PRKCZ: variants seen among roughly 807,000 people sequenced by gnomAD.
PRKCZ encodes protein kinase C zeta.
A neutral mutation model predicts 79.5 loss-of-function variants in PRKCZ; 33 were observed. The observed-to-expected ratio is 0.41, with a 90% CI of 0.31 to 0.55. The LOEUF (loss-of-function observed/expected upper bound fraction) is 0.55. Ranked by LOEUF, PRKCZ falls within the 20% of genes least tolerant of loss-of-function variation. PRKCZ has a pLI of 0.19. For missense variants in PRKCZ, 578 were observed against 813.5 expected (o/e 0.71, Z 3.52); for synonymous variants, 342 against 320.9 (o/e 1.07, Z -0.70).
chr1:2,184,315 C>T (rs915716831), intron 16 of PRKCZ: 17 of 394,252 alleles, frequency 4.3e-5, no homozygotes, highest in Non-Finnish European at 7.0e-5. Context: ...GGGGTGGCCT[C>T]GCATGGGTGG....
chr1:2,155,779 G>T (rs1253337179), intron 9 of PRKCZ, among the ~76,000 whole-genome samples: 2 of 151,966 alleles, frequency 1.3e-5, no homozygotes, highest in African/African-American at 2.4e-5. Context: ...TGGTGATGAT[G>T]ACAGTGACAA....
At chr1:2,095,585 G>A (rs2102527638) in intron 4 of PRKCZ, among the ~76,000 whole-genome samples, 1 of 152,176 alleles carries the variant, frequency 6.6e-6, no homozygotes, top group African/African-American at 2.4e-5. Flanking sequence ...TCAGATGCGT[G>A]CGTCCTGCAT....
chr1:2,156,135 A>G, intron 10 of PRKCZ, 43 bp downstream of exon 10: 1 of 1,534,812 alleles, frequency 6.5e-7, no homozygotes, highest in Non-Finnish European at 9.0e-7. Flanking sequence ...CAGATTTCAG[A>G]TGTGAACTGC....
chr1:2,116,554 G>A (rs1670802570), intron 4 of PRKCZ, among the ~76,000 whole-genome samples: 1 of 152,148 alleles, frequency 6.6e-6, no homozygotes, highest in Non-Finnish European at 1.5e-5. Flanking sequence ...GTCTTCTGAT[G>A]AACAGAAAGT....
rs995965369 is a variant in PRKCZ at position 2,082,914 on chromosome 1, C to T, written c.334+23323C>T. ...AGGGTGGAGAGGGTGGCAGTGAGGG[C>T]GCGAGAGGGTGGAGGGGCGGCATGA... On this transcript the variant is annotated intron_variant, in intron 4 of 17. Transcript: ENST00000378567. This position sits in a 1 kb window ranked among gnomAD's most constrained non-coding sequence, Gnocchi z 4.4. 2.7e-5 allele frequency among the ~76,000 whole-genome samples: 4 copies of T among 149,240 alleles called. No homozygotes were observed. The highest frequency in any genetic ancestry group is 7.4e-5 in the African/African-American group (3 of 40,294).
rs1685673410 is a variant in PRKCZ, at chr1:2,177,278, TTAG to T, written c.1575+1969_1575+1971del. ...ACCCGGCTGAACCCGTAGCAGGTGC[TTAG>T]TAGAATTACGTGAGGAGCCAGCATC... On this transcript the variant is annotated intron_variant, in intron 16 of 17. Coordinates refer to ENST00000378567, the MANE Select transcript of PRKCZ (RefSeq NM_002744.6). This position sits in a 1 kb window ranked among gnomAD's most constrained non-coding sequence, Gnocchi z 6.4. Among the ~76,000 whole-genome samples the T allele has an allele frequency of 2.0e-5, 3 of 152,246 alleles. No homozygotes were observed. Among genetic ancestry groups the T allele is most frequent in the Admixed American group, 2.0e-4 (3 of 15,298 alleles).
intron 7 of PRKCZ, among the ~76,000 whole-genome samples, chr1:2,148,131 TC>T (rs1679062984): frequency 6.6e-6 from 1 of 150,704 alleles, no homozygotes; most frequent in African/African-American, 2.4e-5. Context: ...CACTGACGTC[TC>T]CATCTATCCA....
At chr1:2,126,489 C>A (rs1370376141) in intron 4 of PRKCZ, among the ~76,000 whole-genome samples, 1 of 152,026 alleles carries the variant, frequency 6.6e-6, no homozygotes, top group African/African-American at 2.4e-5. Flanking sequence ...GGACCCTGCC[C>A]CGCCGACCCT....
intron 4 of PRKCZ, among the ~76,000 whole-genome samples, chr1:2,134,209 G>A (rs983099903): frequency 6.6e-6 from 1 of 152,218 alleles, no homozygotes; most frequent in African/African-American, 2.4e-5. Flanking sequence ...TGACTTCTTG[G>A]TTTCGCTCTG....
chr1:2,160,479 G>A (rs973673365), intron 10 of PRKCZ, among the ~76,000 whole-genome samples: 1 of 152,174 alleles, frequency 6.6e-6, no homozygotes, highest in East Asian at 1.9e-4. Flanking sequence ...AGGCCTGTGG[G>A]AAGGACGAGG....
intron 4 of PRKCZ, among the ~76,000 whole-genome samples, chr1:2,085,556 G>C (rs1396193652): frequency 6.6e-6 from 1 of 152,262 alleles, no homozygotes; most frequent in Admixed American, 6.5e-5. Flanking sequence ...CCTGCTCAGA[G>C]CCCATGCAGC....
At chr1:2,176,406 G>A (rs1455556962) in intron 16 of PRKCZ, among the ~76,000 whole-genome samples, 1 of 152,124 alleles carries the variant, frequency 6.6e-6, no homozygotes, top group African/African-American at 2.4e-5. Context: ...TCGGTCGTGG[G>A]TTCTGTGTGG....
chr1:2,178,934 G>T lies in PRKCZ; in HGVS notation c.1575+3621G>T, dbSNP rs886242471. Among the ~76,000 whole-genome samples the T allele has an allele frequency of 1.3e-5, 2 of 152,152 alleles. No individual in the cohort carries two copies. The highest frequency in any genetic ancestry group is 4.8e-5 in the African/African-American group (2 of 41,424). ...ACAGGGTCACAGTCACCCCAAAGCCGCCCCCTCCTTGCCTATCCCCAGCTG... is the reference window on the plus strand; with the variant it reads ...ACAGGGTCACAGTCACCCCAAAGCCTCCCCCTCCTTGCCTATCCCCAGCTG... On this transcript the variant is annotated intron_variant, in intron 16 of 17. Transcript: ENST00000378567. This position sits in a 1 kb window ranked among gnomAD's most constrained non-coding sequence, Gnocchi z 4.3.
At chr1:2,084,776 A>G (rs2678948) in intron 4 of PRKCZ, among the ~76,000 whole-genome samples, 69,638 of 152,142 alleles carry the variant, frequency 0.46, 18,727 homozygotes, top group East Asian at 0.96. Context: ...AGGCCTAGCC[A>G]GGTGGATCGC....
rs1681420180 is a variant in PRKCZ at position 2,157,939 on chromosome 1, G to A, written c.974+1847G>A. Among the ~76,000 whole-genome samples the A allele has an allele frequency of 2.0e-5, 3 of 152,316 alleles. No individual in the cohort carries two copies. The South Asian group carries it at 6.2e-4, about 32-fold the overall frequency. On this transcript the variant is annotated intron_variant, in intron 10 of 17. Coordinates refer to ENST00000378567, the MANE Select transcript of PRKCZ (RefSeq NM_002744.6). ...CAGCTTTGCGGGCCAGGCTTCCTAAGCACAGCGGTCCTAGGCCCTGGGTGC... is the reference window on the plus strand; with the variant it reads ...CAGCTTTGCGGGCCAGGCTTCCTAAACACAGCGGTCCTAGGCCCTGGGTGC...
At chr1:2,050,801 G>A in intron 1 of PRKCZ, 100 bp downstream of exon 1, 1 of 808,352 alleles carries the variant, frequency 1.2e-6, no homozygotes, top group Non-Finnish European at 1.7e-6. Context: ...GAGGGAAGGG[G>A]CGGCGAGGTC....
intron 4 of PRKCZ, among the ~76,000 whole-genome samples, chr1:2,060,213 C>A (rs908737): frequency 2.0e-5 from 3 of 152,220 alleles, no homozygotes; most frequent in Admixed American, 2.0e-4. Context: ...ATGCCTTGTT[C>A]GTTGTGTGGG....
chr1:2,160,745 C>T (rs963155545), intron 10 of PRKCZ, among the ~76,000 whole-genome samples: 1 of 152,088 alleles, frequency 6.6e-6, no homozygotes, highest in South Asian at 2.1e-4. Flanking sequence ...GGGGAGTCAC[C>T]CCGGTTCGCA....
At chr1:2,112,300 C>G (rs1669895107) in intron 4 of PRKCZ, among the ~76,000 whole-genome samples, 1 of 152,240 alleles carries the variant, frequency 6.6e-6, no homozygotes. Context: ...GGCCCCTGCC[C>G]CAGTGACACA....
Sources: allele counts gnomAD v4.1 joint callset (sites outside exome capture counted in the v4.1 genomes callset), GRCh38; gene constraint gnomAD v4.1.1; non-coding constraint Gnocchi (gnomAD v3.1); transcripts MANE v1.5; gene names NCBI Gene and HGNC (gene_info 2026-07-23, HGNC 2026-07-21).